The following EBF1 variants were observed in gnomAD, a reference collection of about 807,000 sequenced individuals.
The protein encoded by EBF1 is transcription factor COE1.
A neutral mutation model predicts 68.4 loss-of-function variants in EBF1; 10 were observed. The ratio of observed to expected loss-of-function variants is 0.15; its 90% confidence interval spans 0.09 to 0.25. The LOEUF (loss-of-function observed/expected upper bound fraction) is 0.25. Ranked by LOEUF, EBF1 falls within the 10% of genes least tolerant of loss-of-function variation. The probability of loss-of-function intolerance (pLI) is 1.00; values close to 1 mark genes in which losing one functional copy is unlikely to be tolerated. For missense variants in EBF1, 509 were observed against 794.4 expected (o/e 0.64, Z 4.32); for synonymous variants, 298 against 299.8 (o/e 0.99, Z 0.06).
At chr5:159,052,170 C>T (rs551571433) in intron 6 of EBF1, among the ~76,000 whole-genome samples, 1 of 151,880 alleles carries the variant, frequency 6.6e-6, no homozygotes, top group Admixed American at 6.6e-5. Flanking sequence ...TGTTAAAAAT[C>T]ATTTAGCTGA....
At chr5:158,921,253 A>C (rs1808368533) in intron 6 of EBF1, among the ~76,000 whole-genome samples, 1 of 152,228 alleles carries the variant, frequency 6.6e-6, no homozygotes, top group African/African-American at 2.4e-5. Context: ...GACAGCCAGC[A>C]CAAATTCTAT....
At chr5:158,716,690 C>A (rs561226710) in intron 11 of EBF1, among the ~76,000 whole-genome samples, 1 of 152,306 alleles carries the variant, frequency 6.6e-6, no homozygotes, top group Admixed American at 6.5e-5. Context: ...AATGGACCTG[C>A]AAACTGCTTG....
chr5:158,797,928 A>G (rs796150912), intron 8 of EBF1, among the ~76,000 whole-genome samples: 5 of 152,300 alleles, frequency 3.3e-5, no homozygotes, highest in African/African-American at 1.2e-4. Context: ...CTGATTTTTT[A>G]ACATACATAG....
At chr5:158,870,576 T>A (rs962396326) in intron 6 of EBF1, among the ~76,000 whole-genome samples, 2 of 152,038 alleles carry the variant, frequency 1.3e-5, no homozygotes, top group Non-Finnish European at 2.9e-5. Flanking sequence ...TTCAGGAGGC[T>A]AAGGTAAGAA....
intron 6 of EBF1, among the ~76,000 whole-genome samples, chr5:159,052,573 CT>C (rs1773976032): frequency 6.6e-6 from 1 of 152,204 alleles, no homozygotes; most frequent in African/African-American, 2.4e-5. Flanking sequence ...AAATCCCACA[CT>C]TTTGTTTTTT....
chr5:159,095,590 C>T (rs775204707), intron 4 of EBF1, 30 bp downstream of exon 4: 5 of 1,608,916 alleles, frequency 3.1e-6, no homozygotes, highest in East Asian at 2.2e-5. Flanking sequence ...TGACATAGAG[C>T]CCCCCGTGGC....
rs564089841 is a variant in EBF1 at position 158,696,055 on chromosome 5, G to A, written c.*3056C>T. ...TTCTCTAACAATTGAACTGTACAGT[G>A]TGTGTCTATTCAAAAAGTTTTGATA... On this transcript the variant is annotated 3_prime_UTR_variant, in exon 16 of 16. Coordinates refer to ENST00000313708, the MANE Select transcript of EBF1 (RefSeq NM_024007.5). 1.5e-5 allele frequency: 3 copies of A among 205,026 alleles called. No individual in the cohort carries two copies. The highest frequency in any genetic ancestry group is 3.0e-5 in the Non-Finnish European group (3 of 100,268). 12.7% of individuals were successfully genotyped at this position (205,026 alleles called of 1,614,324 possible).
chr5:159,068,608 A>G (rs72813947), intron 6 of EBF1, among the ~76,000 whole-genome samples: 6,731 of 152,236 alleles, frequency 0.044, 219 homozygotes, highest in Non-Finnish European at 0.066. Flanking sequence ...TCTTCAATAA[A>G]CTTGTTTATC....
At chr5:158,806,403 G>A (rs1781602941) in intron 8 of EBF1, among the ~76,000 whole-genome samples, 2 of 152,084 alleles carry the variant, frequency 1.3e-5, no homozygotes, top group South Asian at 4.2e-4. Flanking sequence ...GGCAGCCTGT[G>A]TGCCCTTGGC....
chr5:159,076,033 GT>G (rs74345602), intron 5 of EBF1, among the ~76,000 whole-genome samples: 123 of 145,790 alleles, frequency 8.4e-4, no homozygotes, highest in Admixed American at 2.0e-3. Context: ...GGTTTTTCCT[GT>G]TTTTTTTTTT....
chr5:158,946,051 T>C (rs1293699389), intron 6 of EBF1, among the ~76,000 whole-genome samples: 1 of 152,228 alleles, frequency 6.6e-6, no homozygotes, highest in African/African-American at 2.4e-5. Flanking sequence ...TATGTTCTTC[T>C]CTAAACTGGT....
At chr5:159,097,297 G>A (rs1037067763) in intron 1 of EBF1, among the ~76,000 whole-genome samples, 167 bp from the exon 2 acceptor site, 3 of 152,214 alleles carry the variant, frequency 2.0e-5, no homozygotes, top group Non-Finnish European at 4.4e-5. Flanking sequence ...GCTGACAACG[G>A]GACACACATG....
At chr5:158,803,620 ATGCAAACTTCACT>A (rs1441773882) in intron 8 of EBF1, among the ~76,000 whole-genome samples, 2 of 152,074 alleles carry the variant, frequency 1.3e-5, no homozygotes, top group Non-Finnish European at 2.9e-5. Context: ...GTACCAGAGT[ATGCAAACTTCACT>A]TTCAGAATGC....
intron 9 of EBF1, 110 bp from the exon 10 acceptor site, chr5:158,777,649 A>G (rs1475572324): frequency 3.4e-6 from 4 of 1,166,156 alleles, no homozygotes; most frequent in Admixed American, 6.1e-5. Context: ...TAACCTGTCT[A>G]TGTTTAAATC....
At chr5:158,951,429 G>A (rs1033396388) in intron 6 of EBF1, among the ~76,000 whole-genome samples, 4 of 152,110 alleles carry the variant, frequency 2.6e-5, no homozygotes, top group South Asian at 2.1e-4. Context: ...GTTCACAATG[G>A]TGATTTCTCA....
intron 6 of EBF1, among the ~76,000 whole-genome samples, chr5:158,988,201 G>C (rs138001042): frequency 6.6e-5 from 10 of 152,288 alleles, no homozygotes; most frequent in African/African-American, 2.4e-4. Context: ...GCCCATTCTG[G>C]TGGAAGTCTG....
At chr5:159,065,666 A>C (rs1284142022) in intron 6 of EBF1, among the ~76,000 whole-genome samples, 2 of 152,010 alleles carry the variant, frequency 1.3e-5, no homozygotes, top group Non-Finnish European at 2.9e-5. Context: ...AAAACCCACC[A>C]CAACCTTTAC....
intron 6 of EBF1, among the ~76,000 whole-genome samples, chr5:158,912,857 G>A (rs1806311214): frequency 1.3e-5 from 2 of 152,270 alleles, no homozygotes; most frequent in Admixed American, 6.5e-5. Flanking sequence ...CATGAAAAAG[G>A]TTCTAGTAGT....
At chr5:159,062,892 A>T (rs1256666095) in intron 6 of EBF1, among the ~76,000 whole-genome samples, 1 of 152,248 alleles carries the variant, frequency 6.6e-6, no homozygotes, top group Non-Finnish European at 1.5e-5. Flanking sequence ...TCAATTAAAC[A>T]GTTAGGCAAT....
Sources: gnomAD v4.1 joint callset for allele counts (sites outside exome capture counted in the v4.1 genomes callset) on GRCh38, gnomAD v4.1.1 for gene constraint, MANE v1.5 for transcripts, NCBI Gene and HGNC (gene_info 2026-07-23, HGNC 2026-07-21) for gene names.